The following STOX2 variants were observed in gnomAD, a reference collection of about 807,000 sequenced individuals.
STOX2 encodes storkhead box 2.
A neutral mutation model predicts 60.9 loss-of-function variants in STOX2; 28 were observed. That is an observed-to-expected ratio of 0.46 (90% confidence interval 0.34 to 0.63). The LOEUF (loss-of-function observed/expected upper bound fraction) is 0.63, where lower values mean the gene tolerates loss of function less well. Ranked by LOEUF, STOX2 falls within the 30% of genes least tolerant of loss-of-function variation. The pLI is 0.01. For missense variants in STOX2, 1,024 were observed against 1,187.7 expected, an observed-to-expected ratio of 0.86 and a Z score of 2.03; for synonymous variants, 472 against 463.9, an observed-to-expected ratio of 1.02 and a Z score of -0.22.
intron 1 of STOX2, among the ~76,000 whole-genome samples, chr4:183,807,592 G>A (rs1738934918): frequency 6.6e-6 from 1 of 152,172 alleles, no homozygotes; most frequent in African/African-American, 2.4e-5. Context: ...TATCTCTGCG[G>A]CCTTCACAGC....
intron 1 of STOX2, among the ~76,000 whole-genome samples, chr4:183,892,445 A>AT (rs370340201): frequency 1.3e-4 from 20 of 151,242 alleles, no homozygotes; most frequent in African/African-American, 4.4e-4. Flanking sequence ...CGCCCGGCTA[A>AT]TTTTTTTTGT....
At chr4:183,800,421 C>T (rs73006655) in intron 1 of STOX2, among the ~76,000 whole-genome samples, 2,139 of 152,296 alleles carry the variant, frequency 0.014, 37 homozygotes, top group African/African-American at 0.049. Flanking sequence ...ACGTACAAAA[C>T]CAGAAACCAA....
chr4:183,919,303 A>G (rs1214656202), intron 1 of STOX2, among the ~76,000 whole-genome samples: 1 of 152,242 alleles, frequency 6.6e-6, no homozygotes, highest in Non-Finnish European at 1.5e-5. Context: ...GGAGGTTTCC[A>G]TCGTGAGATG....
At chr4:183,980,059 T>C (rs1732594045) in intron 1 of STOX2, among the ~76,000 whole-genome samples, 1 of 152,238 alleles carries the variant, frequency 6.6e-6, no homozygotes, top group African/African-American at 2.4e-5. Flanking sequence ...AATTGTATAA[T>C]CACTGTGATC....
intron 3 of STOX2, chr4:184,015,100 C>T (rs986462465): frequency 9.9e-5 from 15 of 152,184 alleles, no homozygotes; most frequent in Non-Finnish European, 1.9e-4. Flanking sequence ...TTCCTTGATG[C>T]TTACTTCTTC....
Position 184,001,483 on chromosome 4 carries a change from G to A in STOX2, c.319+6G>A, listed in dbSNP as rs757388667. ...CCTGACCACGTGCTTCCCAGGTAACGAGGCGGGAACGTAGCACTTTCCAGG... is the reference window on the plus strand; with the variant it reads ...CCTGACCACGTGCTTCCCAGGTAACAAGGCGGGAACGTAGCACTTTCCAGG... On this transcript the variant is annotated splice_donor_region_variant and intron_variant, in intron 2 of 3. Coordinates refer to ENST00000308497, the MANE Select transcript of STOX2 (RefSeq NM_020225.3). The surrounding 1 kb of genome is among the most constrained non-coding windows in gnomAD (Gnocchi z 4.2). 25 of 1,613,294 alleles carry A rather than the reference G, an allele frequency of 1.5e-5. No homozygotes were observed. The highest frequency in any genetic ancestry group is 1.8e-5 in the Non-Finnish European group (21 of 1,179,718).
intron 1 of STOX2, among the ~76,000 whole-genome samples, chr4:183,951,874 C>A (rs1024336486): frequency 2.6e-5 from 4 of 152,042 alleles, no homozygotes; most frequent in African/African-American, 7.2e-5. Context: ...ACCCAGGAGA[C>A]AGAAGGTTGC....
chr4:183,986,716 T>C (rs569098725), intron 1 of STOX2, among the ~76,000 whole-genome samples: 1 of 152,278 alleles, frequency 6.6e-6, no homozygotes, highest in Non-Finnish European at 1.5e-5. Flanking sequence ...GAGGACAGAA[T>C]GGATGTCACT....
chr4:183,983,977 T>C (rs1237829749), intron 1 of STOX2, among the ~76,000 whole-genome samples: 1 of 152,126 alleles, frequency 6.6e-6, no homozygotes, highest in Non-Finnish European at 1.5e-5. Flanking sequence ...CCCTCTTGCC[T>C]TCTCTTCCTC....
At chr4:183,812,027 A>G (rs9992885) in intron 1 of STOX2, among the ~76,000 whole-genome samples, 41,285 of 149,924 alleles carry the variant, frequency 0.28, 6,598 homozygotes, top group African/African-American at 0.45. Context: ...TACCTTCTGG[A>G]ATCAAGTGAT....
At chr4:183,954,384 G>A (rs539544635) in intron 1 of STOX2, among the ~76,000 whole-genome samples, 61 of 152,120 alleles carry the variant, frequency 4.0e-4, no homozygotes, top group African/African-American at 1.4e-3. Flanking sequence ...CGCTTCCCAG[G>A]TTCAAGCGAT....
chr4:183,908,432 G>T (rs989102921), intron 1 of STOX2, among the ~76,000 whole-genome samples: 1 of 152,098 alleles, frequency 6.6e-6, no homozygotes, highest in African/African-American at 2.4e-5. Flanking sequence ...CTTAGGGTTT[G>T]AATGTCTTCA....
intron 1 of STOX2, among the ~76,000 whole-genome samples, chr4:183,998,359 G>A (rs1442936754): frequency 6.6e-6 from 1 of 152,114 alleles, no homozygotes; most frequent in East Asian, 1.9e-4. Flanking sequence ...GCCGGCCTCA[G>A]TGCCCCTGTC....
At chr4:183,862,171 G>C (rs926538630) in intron 1 of STOX2, among the ~76,000 whole-genome samples, 2 of 36,842 alleles carry the variant, frequency 5.4e-5, no homozygotes, top group African/African-American at 1.4e-4. Context: ...TGTTGTTGTT[G>C]TTTGTTTGTT....
At chr4:183,810,479 A>T (rs1168663028) in intron 1 of STOX2, among the ~76,000 whole-genome samples, 4 of 152,212 alleles carry the variant, frequency 2.6e-5, no homozygotes, top group African/African-American at 9.7e-5. Flanking sequence ...TCATTGCCAA[A>T]GAAAGAGCTG....
chr4:183,901,091 C>A (rs12500135), upstream of STOX2, among the ~76,000 whole-genome samples: 3,951 of 152,222 alleles, frequency 0.026, 131 homozygotes, highest in Admixed American at 0.078. Flanking sequence ...AGCCCCTGGC[C>A]ACCACCATTC....
chr4:183,956,602 A>T (rs1312524314), intron 1 of STOX2, among the ~76,000 whole-genome samples: 1 of 152,200 alleles, frequency 6.6e-6, no homozygotes, highest in Non-Finnish European at 1.5e-5. Flanking sequence ...ACATTCTCTT[A>T]CACATAATAA....
At chr4:183,839,540 G>A (rs995714118) in intron 1 of STOX2, among the ~76,000 whole-genome samples, 3 of 152,194 alleles carry the variant, frequency 2.0e-5, no homozygotes, top group Non-Finnish European at 4.4e-5. Context: ...ACCAGCATTA[G>A]TACTACAGGA....
intron 1 of STOX2, among the ~76,000 whole-genome samples, chr4:183,940,146 A>G (rs1382218901): frequency 6.6e-6 from 1 of 152,156 alleles, no homozygotes; most frequent in African/African-American, 2.4e-5. Context: ...CAGGTGATTC[A>G]CCTGCCTTGA....
Sources: gnomAD v4.1 joint callset for allele counts (sites outside exome capture counted in the v4.1 genomes callset) on GRCh38, gnomAD v4.1.1 for gene constraint, Gnocchi (gnomAD v3.1) non-coding constraint, MANE v1.5 for transcripts, NCBI Gene and HGNC (gene_info 2026-07-23, HGNC 2026-07-21) for gene names.